CLVS1: variants seen among roughly 807,000 people sequenced by gnomAD.
CLVS1 encodes clavesin 1.
A neutral mutation model predicts 33.1 loss-of-function variants in CLVS1; 10 were observed. That is an observed-to-expected ratio of 0.30 (90% CI 0.19 to 0.51). The LOEUF (loss-of-function observed/expected upper bound fraction) is 0.51. CLVS1 is among the 20% of genes least tolerant of loss of function. The pLI is 0.97. For synonymous variants in CLVS1, 163 were observed against 166.1 expected, an observed-to-expected ratio of 0.98 and a Z score of 0.14; for missense variants, 343 against 433.4, an observed-to-expected ratio of 0.79 and a Z score of 1.85.
intron 1 of CLVS1, among the ~76,000 whole-genome samples, chr8:61,057,734 C>T (rs368705539): frequency 6.6e-6 from 1 of 152,064 alleles, no homozygotes; most frequent in Non-Finnish European, 1.5e-5. Context: ...CAGTCGTAAT[C>T]CTAAAGATCA....
chr8:60,986,691 C>T, the CLVS1 span, among the ~76,000 whole-genome samples: 1 of 152,334 alleles, frequency 6.6e-6, no homozygotes, highest in East Asian at 1.9e-4. Flanking sequence ...TTACTCCCAA[C>T]ATTTATGTAT....
At chr8:61,459,348 AATTTT>A (rs968373465) in intron 5 of CLVS1, among the ~76,000 whole-genome samples, 2 of 152,186 alleles carry the variant, frequency 1.3e-5, no homozygotes, top group Admixed American at 6.5e-5. Flanking sequence ...TGATTTTTAA[AATTTT>A]ATTTTATTTT....
At chr8:61,095,480 G>A (rs1279405059) in intron 1 of CLVS1, among the ~76,000 whole-genome samples, 3 of 152,160 alleles carry the variant, frequency 2.0e-5, no homozygotes, top group African/African-American at 7.2e-5. Context: ...CGCCTAGGAG[G>A]TGCTGGGTAG....
chr8:61,135,345 C>T (rs1463267167), intron 2 of CLVS1, among the ~76,000 whole-genome samples: 1 of 152,056 alleles, frequency 6.6e-6, no homozygotes, highest in Non-Finnish European at 1.5e-5. Flanking sequence ...TAGGCCTATC[C>T]ACAGCATTGC....
At chr8:61,017,714 C>A in the CLVS1 span, among the ~76,000 whole-genome samples, 1 of 152,332 alleles carries the variant, frequency 6.6e-6, no homozygotes, top group African/African-American at 2.4e-5. Flanking sequence ...CAGTTTGCAA[C>A]CTTTAGAAGC....
At chr8:61,085,524 C>T (rs1300911097) in intron 1 of CLVS1, among the ~76,000 whole-genome samples, 4 of 152,052 alleles carry the variant, frequency 2.6e-5, no homozygotes, top group Non-Finnish European at 5.9e-5. Context: ...AAAAAAGCCC[C>T]AAGCAAAAGT....
At chr8:61,198,047 C>A (rs1459512963) in intron 2 of CLVS1, among the ~76,000 whole-genome samples, 1 of 152,140 alleles carries the variant, frequency 6.6e-6, no homozygotes, top group Non-Finnish European at 1.5e-5. Context: ...TGATTGTTCA[C>A]CTGATTTTTG....
At chr8:61,377,035 A>G (rs1169548053) in intron 3 of CLVS1, 1 of 378,476 alleles carries the variant, frequency 2.6e-6, no homozygotes, top group Non-Finnish European at 4.7e-6. Context: ...ATAAAGCTCC[A>G]AGATGTTCGG....
rs555722742 is a variant in CLVS1, at chr8:61,088,301, C to T, written c.-243+31071C>T. ...GTCAGGAGTTCGAGACCAGCCTGGC[C>T]AACATGGTGAAACCACATCTCTATT... On this transcript the variant is annotated intron_variant, in intron 1 of 2. Transcript: ENST00000522621. Among the ~76,000 whole-genome samples the T allele has an allele frequency of 3.2e-4, 49 of 152,116 alleles. 1 individual carries two copies. Among genetic ancestry groups the T allele is most frequent in the African/African-American group, 7.2e-4 (30 of 41,476 alleles).
At chr8:61,366,505 A>G (rs576318669) in intron 2 of CLVS1, among the ~76,000 whole-genome samples, 1 of 152,340 alleles carries the variant, frequency 6.6e-6, no homozygotes, top group Non-Finnish European at 1.5e-5. Flanking sequence ...AGCATGAGTC[A>G]TAATAGAAAA....
intron 5 of CLVS1, among the ~76,000 whole-genome samples, chr8:61,479,339 T>A (rs933925851): frequency 7.2e-5 from 11 of 152,204 alleles, no homozygotes; most frequent in African/African-American, 2.7e-4. Flanking sequence ...CATTTCATTT[T>A]TCATCGCTGA....
intron 2 of CLVS1, among the ~76,000 whole-genome samples, chr8:61,178,559 G>A (rs1807163373): frequency 6.6e-6 from 1 of 152,120 alleles, no homozygotes; most frequent in Admixed American, 6.5e-5. Context: ...ATTCTCCACG[G>A]TTGAAATGAA....
At chr8:60,967,587 A>G in the CLVS1 span, 1 of 455,032 alleles carries the variant, frequency 2.2e-6, no homozygotes, top group South Asian at 1.6e-5. Context: ...TCGTCTGCGC[A>G]GCATTCAGCT....
chr8:61,176,715 C>T lies in CLVS1; in HGVS notation c.-152+44855C>T, dbSNP rs139535420. On this transcript the variant is annotated intron_variant, in intron 2 of 2. Coordinates refer to the CLVS1 transcript ENST00000522621. ...AAGAGCAGTGTTGTGCGGCAGCCCA[C>T]GGGAGAGCCACATGAGGCGGGGGAG... Among the ~76,000 whole-genome samples the T allele has an allele frequency of 3.3e-3, 501 of 152,202 alleles. 2 individuals carry two copies. The highest frequency in any genetic ancestry group is 0.011 in the African/African-American group (461 of 41,530).
chr8:61,442,847 G>A (rs1019654241), intron 3 of CLVS1, among the ~76,000 whole-genome samples: 1 of 152,032 alleles, frequency 6.6e-6, no homozygotes, highest in East Asian at 1.9e-4. Flanking sequence ...ATCCGCCCGC[G>A]TTGGCCTCCT....
chr8:61,178,678 G>A (rs1807167388), intron 2 of CLVS1, among the ~76,000 whole-genome samples: 1 of 152,190 alleles, frequency 6.6e-6, no homozygotes, highest in Non-Finnish European at 1.5e-5. Context: ...CCAGAAGAGA[G>A]TGAGGGCCAA....
intron 5 of CLVS1, among the ~76,000 whole-genome samples, chr8:61,475,043 A>G (rs9987286): frequency 0.57 from 86,445 of 151,810 alleles, 28,164 homozygotes; most frequent in Non-Finnish European, 0.72. Flanking sequence ...GAGAACATGC[A>G]GGGTTTGGTT....
intron 2 of CLVS1, among the ~76,000 whole-genome samples, chr8:61,192,230 A>C (rs36143357): frequency 0.21 from 32,139 of 152,104 alleles, 3,557 homozygotes; most frequent in Admixed American, 0.28. Flanking sequence ...CCACACATCT[A>C]CAACTATCTG....
At chr8:60,995,638 T>A in the CLVS1 span, among the ~76,000 whole-genome samples, 1 of 152,174 alleles carries the variant, frequency 6.6e-6, no homozygotes, top group African/African-American at 2.4e-5. Flanking sequence ...GAAATACCAT[T>A]TGACCCAGCC....
Sources: allele counts gnomAD v4.1 joint callset (sites outside exome capture counted in the v4.1 genomes callset), GRCh38; gene constraint gnomAD v4.1.1; transcripts MANE v1.5; gene names NCBI Gene and HGNC (gene_info 2026-07-23, HGNC 2026-07-21).